STAU1: variants seen among roughly 807,000 people sequenced by gnomAD.
The protein encoded by STAU1 is staufen double-stranded RNA binding protein 1, also known as double-stranded RNA-binding protein Staufen homolog 1.
STAU1 carries 13 observed loss-of-function variants against 62.9 expected under a neutral mutation model. The observed-to-expected ratio is 0.21, with a 90% confidence interval of 0.13 to 0.33. The LOEUF (loss-of-function observed/expected upper bound fraction) is 0.33, where lower values mean the gene tolerates loss of function less well. Among genes scored for constraint, STAU1 ranks in the 10% least tolerant of loss-of-function variants. STAU1 has a pLI of 1.00. For synonymous variants in STAU1, 269 were observed against 265.1 expected (o/e 1.01, Z -0.14); for missense variants, 571 against 712.1 (o/e 0.80, Z 2.25).
intron 1 of STAU1, among the ~76,000 whole-genome samples, chr20:49,178,707 G>A (rs535518219): frequency 1.3e-5 from 2 of 148,928 alleles, no homozygotes; most frequent in Non-Finnish European, 3.0e-5. Context: ...ACTGAGATTG[G>A]GTCACTGCAC....
At chr20:49,120,221 G>A in intron 8 of STAU1, 93 bp from the exon 9 acceptor site, 1 of 1,441,028 alleles carries the variant, frequency 6.9e-7, no homozygotes, top group Non-Finnish European at 9.3e-7. Flanking sequence ...ACCAACTATG[G>A]TCAGAAGCAA....
At chr20:49,164,086 C>T (rs1355425988) in intron 3 of STAU1, among the ~76,000 whole-genome samples, 2 of 151,874 alleles carry the variant, frequency 1.3e-5, no homozygotes, top group African/African-American at 2.4e-5. Context: ...ACAAAACAGC[C>T]GAGCGTAGTG....
chr20:49,169,322 G>T (rs745387185), intron 2 of STAU1, among the ~76,000 whole-genome samples: 6 of 152,128 alleles, frequency 3.9e-5, no homozygotes, highest in Non-Finnish European at 8.8e-5. Flanking sequence ...TCACAGTGAT[G>T]AATGGGGGAA....
intron 1 of STAU1, among the ~76,000 whole-genome samples, chr20:49,177,709 T>TA (rs1873487929): frequency 6.7e-6 from 1 of 150,272 alleles, no homozygotes; most frequent in Non-Finnish European, 1.5e-5. Context: ...AAAACACACA[T>TA]AAAAAAAGCT....
intron 1 of STAU1, among the ~76,000 whole-genome samples, chr20:49,186,664 T>C (rs2093791416): frequency 6.6e-6 from 1 of 152,082 alleles, no homozygotes; most frequent in African/African-American, 2.4e-5. Context: ...AAAGTTGCTG[T>C]TCTAAAAATC....
At chr20:49,214,883 A>T in the STAU1 span, among the ~76,000 whole-genome samples, 47 of 152,356 alleles carry the variant, frequency 3.1e-4, no homozygotes, top group African/African-American at 1.0e-3. Flanking sequence ...GGACACAAAC[A>T]TTTAGTCCAT....
the STAU1 span, among the ~76,000 whole-genome samples, chr20:49,216,427 C>T: frequency 6.6e-6 from 1 of 152,028 alleles, no homozygotes; most frequent in Admixed American, 6.6e-5. Flanking sequence ...ACTCAGGAGG[C>T]TGAGGCACAA....
At chr20:49,134,952 C>A in intron 6 of STAU1, 2 of 1,599,242 alleles carry the variant, frequency 1.3e-6, no homozygotes, top group East Asian at 2.2e-5. Flanking sequence ...AAACCCAGCA[C>A]GTGGTGGACT....
intron 6 of STAU1, among the ~76,000 whole-genome samples, chr20:49,130,128 C>G (rs1484610220): frequency 6.6e-6 from 1 of 152,134 alleles, no homozygotes; most frequent in East Asian, 1.9e-4. Flanking sequence ...ATGTAACACT[C>G]TTGGTGATAA....
chr20:49,148,775 G>A (rs1050459760), intron 5 of STAU1, among the ~76,000 whole-genome samples: 5 of 152,210 alleles, frequency 3.3e-5, no homozygotes, highest in Admixed American at 6.5e-5. Flanking sequence ...GCCAACCAAC[G>A]CTGCTCTAGT....
intron 5 of STAU1, among the ~76,000 whole-genome samples, chr20:49,139,750 G>A (rs1181416037): frequency 6.6e-6 from 1 of 151,654 alleles, no homozygotes; most frequent in Non-Finnish European, 1.5e-5. Context: ...TCCACAGTAA[G>A]ATACCACTCA....
At chr20:49,152,582 C>T (rs535852447) in intron 4 of STAU1, among the ~76,000 whole-genome samples, 58 of 152,042 alleles carry the variant, frequency 3.8e-4, no homozygotes, top group Non-Finnish European at 6.6e-4. Flanking sequence ...CCTCATGATC[C>T]GCCTGCCTTG....
intron 5 of STAU1, among the ~76,000 whole-genome samples, chr20:49,145,751 C>T (rs2093117812): frequency 6.6e-6 from 1 of 151,076 alleles, no homozygotes; most frequent in Admixed American, 6.6e-5. Flanking sequence ...GAAAAGAAAA[C>T]CTGAGCCAGG....
At chr20:49,126,576 A>AAAAAAAAAAAAACAAAAAAAAAAAC (rs1329843357) in intron 6 of STAU1, among the ~76,000 whole-genome samples, 7 of 104,382 alleles carry the variant, frequency 6.7e-5, no homozygotes, top group Admixed American at 9.2e-5. Context: ...TCAAAAAGCA[A>AAAAAAAAAAAAACAAAAAAAAAAAC]AAAAAAAAAA....
At chr20:49,200,002 A>T in the STAU1 span, among the ~76,000 whole-genome samples, 2 of 152,258 alleles carry the variant, frequency 1.3e-5, no homozygotes, top group South Asian at 4.2e-4. Context: ...GAACTGCTGC[A>T]CCCAGCCAGG....
intron 3 of STAU1, among the ~76,000 whole-genome samples, chr20:49,160,735 T>G (rs1325390672): frequency 2.0e-5 from 3 of 152,150 alleles, no homozygotes; most frequent in Non-Finnish European, 2.9e-5. Context: ...TACAAAATAC[T>G]CACTTTGAGA....
rs531652613 is a variant in STAU1 at position 49,165,761 on chromosome 20, T to C, written c.205+236A>G. Among the ~76,000 whole-genome samples the C allele has an allele frequency of 2.1e-4, 32 of 152,334 alleles. 1 individual carries two copies. In the South Asian group the frequency reaches 6.6e-3, roughly 32 times the overall value. On this transcript the variant is annotated intron_variant, in intron 3 of 13. Coordinates refer to ENST00000371856, the MANE Select transcript of STAU1 (RefSeq NM_017453.4). ...AACAGATGAGGCTTTATAGTGTGAG[T>C]AGTTTTCAGCTTTCAATTCTCTTTC...
At chr20:49,174,708 C>A (rs1460136115) in intron 1 of STAU1, among the ~76,000 whole-genome samples, 1 of 152,064 alleles carries the variant, frequency 6.6e-6, no homozygotes, top group Non-Finnish European at 1.5e-5. Flanking sequence ...GAGGCCGAGG[C>A]GGGTGGATCA....
intron 4 of STAU1, among the ~76,000 whole-genome samples, chr20:49,153,268 A>G (rs1393483866): frequency 1.4e-5 from 2 of 144,112 alleles, no homozygotes; most frequent in Non-Finnish European, 3.1e-5. Flanking sequence ...AAAAAAAAAA[A>G]GAAGCACAAA....
Sources: allele counts gnomAD v4.1 joint callset (sites outside exome capture counted in the v4.1 genomes callset), GRCh38; gene constraint gnomAD v4.1.1; transcripts MANE v1.5; gene names NCBI Gene and HGNC (gene_info 2026-07-23, HGNC 2026-07-21).